The following DCAF6 variants were observed in gnomAD, a reference collection of about 807,000 sequenced individuals.
DCAF6 encodes DDB1- and CUL4-associated factor 6.
In DCAF6, 54 loss-of-function variants were observed where a neutral mutation model predicts 125.1. That is an observed-to-expected ratio of 0.43 (90% confidence interval 0.35 to 0.54). DCAF6 has a LOEUF of 0.54. Among genes scored for constraint, DCAF6 ranks in the 20% least tolerant of loss-of-function variants. The pLI, the probability that DCAF6 is intolerant of heterozygous loss-of-function variation, is 0.01. For missense variants in DCAF6, 934 were observed against 1,161.7 expected (o/e 0.80, Z 2.85); for synonymous variants, 371 against 390.4 (o/e 0.95, Z 0.58).
At chr1:167,997,430 C>T (rs77017864) in intron 7 of DCAF6, among the ~76,000 whole-genome samples, 1,919 of 152,290 alleles carry the variant, frequency 0.013, 41 homozygotes, top group African/African-American at 0.044. Flanking sequence ...CTGTCACACA[C>T]TTACGTCTTC....
chr1:168,007,589 A>G (rs555861272), intron 10 of DCAF6, among the ~76,000 whole-genome samples: 96 of 151,984 alleles, frequency 6.3e-4, no homozygotes, highest in Non-Finnish European at 1.3e-3. Context: ...AGATTTTTCG[A>G]CCCGGTTGCA....
At chr1:167,984,130 T>C (rs1361687809) in intron 4 of DCAF6, among the ~76,000 whole-genome samples, 15 of 152,212 alleles carry the variant, frequency 9.9e-5, no homozygotes, top group Non-Finnish European at 7.3e-5. Flanking sequence ...TCTTGGATTG[T>C]TCTAATCCCT....
At chr1:167,943,894 A>G (rs1457662254) in intron 1 of DCAF6, among the ~76,000 whole-genome samples, 4 of 151,956 alleles carry the variant, frequency 2.6e-5, no homozygotes, top group Admixed American at 6.6e-5. Flanking sequence ...GCTGTAGTGC[A>G]GTGGTGAGAT....
At chr1:168,049,007 T>A (rs751677220) in intron 16 of DCAF6, among the ~76,000 whole-genome samples, 6 of 152,144 alleles carry the variant, frequency 3.9e-5, no homozygotes, top group Non-Finnish European at 8.8e-5. Context: ...AATGAAATAA[T>A]ATGAATCTCC....
intron 4 of DCAF6, among the ~76,000 whole-genome samples, chr1:167,985,184 C>T (rs1336960821): frequency 6.8e-6 from 1 of 146,944 alleles, no homozygotes; most frequent in Non-Finnish European, 1.5e-5. Flanking sequence ...CAAACCACGT[C>T]GTGTGTGTGT....
chr1:167,941,123 T>C (rs1672169542), intron 1 of DCAF6, among the ~76,000 whole-genome samples: 1 of 152,194 alleles, frequency 6.6e-6, no homozygotes, highest in African/African-American at 2.4e-5. Context: ...TTTGCCTCTT[T>C]TTTTAGCCAT....
chr1:167,930,744 A>AC, the DCAF6 span, among the ~76,000 whole-genome samples: 1 of 152,230 alleles, frequency 6.6e-6, no homozygotes, highest in Non-Finnish European at 1.5e-5. Flanking sequence ...TTTCTACTGT[A>AC]CCATACAGCA....
In DCAF6 at chr1:168,063,638, G is replaced by A. The variant is rs769939276; in HGVS notation, c.2318G>A (p.Arg773His). The A allele has an allele frequency of 8.2e-6, 13 of 1,589,766 alleles. No individual in the cohort carries two copies. Among genetic ancestry groups the A allele is most frequent in the East Asian group, 2.3e-5 (1 of 43,008 alleles). The change falls in exon 18 of 22, where the codon CGT becomes CAT. Residue 773 changes from arginine to histidine, a missense_variant. Transcript: ENST00000367840. The part of the protein sequence containing the change: ...DRIMRRSAVA[R>H]IQEFFRRRKE... Reference sequence around the variant, plus strand: ...TCATATAGACGCTCTGCTGTTGCCCGTATTCAGGAGTTCTTCAGACGGAGA... The same window carrying A: ...TCATATAGACGCTCTGCTGTTGCCCATATTCAGGAGTTCTTCAGACGGAGA...
intron 1 of DCAF6, among the ~76,000 whole-genome samples, chr1:167,948,085 A>G (rs1421799696): frequency 6.8e-6 from 1 of 146,968 alleles, no homozygotes; most frequent in Non-Finnish European, 1.5e-5. Flanking sequence ...ATTGTTATAT[A>G]TTCTTGCTGA....
At position 168,005,108 on chromosome 1, in the gene DCAF6, A is replaced by G. The variant is rs1263881977; in HGVS notation, c.1378+315A>G. Among the ~76,000 whole-genome samples, 2 of 152,122 alleles carry G rather than the reference A, an allele frequency of 1.3e-5. 1 individual carries two copies. The highest frequency in any genetic ancestry group is 2.9e-5 in the Non-Finnish European group (2 of 67,998). On this transcript the variant is annotated intron_variant, in intron 10 of 21. Coordinates refer to ENST00000367840, the MANE Select transcript of DCAF6 (RefSeq NM_001198956.2). ...TTTATAGATTATTAGAGACCAAAAT[A>G]TCTTTCTAGATTTATTTGGTTTTAT...
the DCAF6 span, among the ~76,000 whole-genome samples, chr1:167,893,685 G>A: frequency 1.9e-5 from 2 of 106,010 alleles, no homozygotes; most frequent in Admixed American, 2.7e-4. Flanking sequence ...GACAGAGTGA[G>A]ACTCTGTCTC....
At chr1:167,982,477 A>T (rs1679346156) in intron 4 of DCAF6, among the ~76,000 whole-genome samples, 1 of 152,068 alleles carries the variant, frequency 6.6e-6, no homozygotes, top group Non-Finnish European at 1.5e-5. Context: ...TCCTGACCTC[A>T]TGATCTGCCT....
rs770252433 is a variant in DCAF6, at chr1:167,951,868, A to G, written c.159+7A>G. 4 of 1,595,308 alleles carry G rather than the reference A, an allele frequency of 2.5e-6. No individual in the cohort carries two copies. The South Asian group carries it at 4.4e-5, about 18-fold the overall frequency. Reference sequence around the variant, plus strand: ...TAATGTGCATGATGGTTGTGTAAGTAATAGTTAATTCTCAACTCTGAAGGG... The same window carrying G: ...TAATGTGCATGATGGTTGTGTAAGTGATAGTTAATTCTCAACTCTGAAGGG... On this transcript the variant is annotated splice_region_variant and intron_variant, in intron 2 of 21. Transcript: ENST00000367840.
chr1:167,906,622 C>CAA, the DCAF6 span, among the ~76,000 whole-genome samples: 5 of 109,510 alleles, frequency 4.6e-5, no homozygotes, highest in Middle Eastern at 4.3e-3. Flanking sequence ...CCCATCTCTA[C>CAA]AAAAAAAAAA....
intron 17 of DCAF6, among the ~76,000 whole-genome samples, chr1:168,060,123 A>G (rs1165197698): frequency 6.6e-6 from 1 of 152,156 alleles, no homozygotes; most frequent in Non-Finnish European, 1.5e-5. Context: ...GTATATGATT[A>G]TGTATCCAGC....
the DCAF6 span, among the ~76,000 whole-genome samples, chr1:167,888,182 T>A: frequency 6.6e-6 from 1 of 152,240 alleles, no homozygotes; most frequent in Non-Finnish European, 1.5e-5. Context: ...TTGCTATAGC[T>A]GTGGTATAAT....
At chr1:167,903,495 C>T in the DCAF6 span, among the ~76,000 whole-genome samples, 3 of 151,838 alleles carry the variant, frequency 2.0e-5, no homozygotes, top group Admixed American at 6.6e-5. Context: ...ACCCAGGAGG[C>T]GAAGGTTGCA....
chr1:168,030,513 T>A (rs1686938445), intron 12 of DCAF6, among the ~76,000 whole-genome samples: 1 of 152,154 alleles, frequency 6.6e-6, no homozygotes, highest in African/African-American at 2.4e-5. Context: ...TATGGAGAAT[T>A]GATTAGAGAC....
At chr1:167,993,566 A>G (rs1218144753) in intron 7 of DCAF6, 126 bp downstream of exon 7, 8 of 686,222 alleles carry the variant, frequency 1.2e-5, no homozygotes, top group Middle Eastern at 2.9e-4. Flanking sequence ...CCTGACCAAC[A>G]TGGAGAAACC....
Sources: allele counts gnomAD v4.1 joint callset (sites outside exome capture counted in the v4.1 genomes callset), GRCh38; gene constraint gnomAD v4.1.1; transcripts MANE v1.5; gene names NCBI Gene and HGNC (gene_info 2026-07-23, HGNC 2026-07-21).